Variants in ELAVL2 observed in about 807,000 individuals in gnomAD.
ELAVL2 encodes the protein ELAV-like protein 2.
Under a neutral mutation model 34.6 loss-of-function variants are expected in ELAVL2, and 4 were observed. The observed-to-expected ratio is 0.12, with a 90% confidence interval of 0.06 to 0.26. ELAVL2 has a LOEUF of 0.26. ELAVL2 is among the 10% of genes least tolerant of loss of function. ELAVL2 has a pLI of 1.00. For synonymous variants in ELAVL2, 193 were observed against 154.8 expected (o/e 1.25, Z -1.83); for missense variants, 432 against 442.8 (o/e 0.98, Z 0.22).
At chr9:23,698,349 TACA>T (rs1187329561) in intron 5 of ELAVL2, among the ~76,000 whole-genome samples, 2 of 152,220 alleles carry the variant, frequency 1.3e-5, no homozygotes, top group African/African-American at 4.8e-5. Flanking sequence ...GTGCTCATAT[TACA>T]ACAATTCTCT....
intron 3 of ELAVL2, among the ~76,000 whole-genome samples, chr9:23,715,653 C>T (rs955870756): frequency 6.6e-6 from 1 of 152,208 alleles, no homozygotes; most frequent in African/African-American, 2.4e-5. Flanking sequence ...GACCCAATGA[C>T]ATCTCGAACA....
intron 1 of ELAVL2, among the ~76,000 whole-genome samples, chr9:23,820,613 G>C (rs2064447412): frequency 1.3e-5 from 2 of 151,992 alleles, no homozygotes; most frequent in Non-Finnish European, 2.9e-5. Flanking sequence ...AGGATAACAA[G>C]GAGGCTTTTA....
At chr9:23,723,065 G>C (rs1050301068) in intron 3 of ELAVL2, among the ~76,000 whole-genome samples, 2 of 152,162 alleles carry the variant, frequency 1.3e-5, no homozygotes, top group East Asian at 1.9e-4. Flanking sequence ...TGATGTTCAG[G>C]TAGAAAAGAT....
chr9:23,812,262 C>A (rs2063113867), intron 1 of ELAVL2, among the ~76,000 whole-genome samples: 1 of 152,162 alleles, frequency 6.6e-6, no homozygotes, highest in Non-Finnish European at 1.5e-5. Context: ...AAGTATTACA[C>A]AATCTTCCTG....
chr9:23,816,204 T>C (rs1464267357), intron 1 of ELAVL2, among the ~76,000 whole-genome samples: 1 of 151,360 alleles, frequency 6.6e-6, no homozygotes, highest in East Asian at 1.9e-4. Flanking sequence ...ACTTCCAATT[T>C]TACAATGACT....
At chr9:23,759,993 T>C (rs919086797) in intron 2 of ELAVL2, among the ~76,000 whole-genome samples, 1 of 151,608 alleles carries the variant, frequency 6.6e-6, no homozygotes, top group African/African-American at 2.4e-5. Flanking sequence ...GAGAAATATT[T>C]ACACAGTTTT....
At chr9:23,702,078 A>G (rs928779019) in intron 4 of ELAVL2, among the ~76,000 whole-genome samples, 3 of 152,232 alleles carry the variant, frequency 2.0e-5, no homozygotes, top group Admixed American at 2.0e-4. Context: ...TGCTAAAAAT[A>G]CATACACTGT....
chr9:23,824,402 G>A (rs150769903), intron 1 of ELAVL2, among the ~76,000 whole-genome samples: 22 of 152,226 alleles, frequency 1.4e-4, no homozygotes, highest in Non-Finnish European at 2.8e-4. Flanking sequence ...AGCCCCCACC[G>A]CCCTTCGCAG....
intron 2 of ELAVL2, among the ~76,000 whole-genome samples, chr9:23,743,788 A>G (rs1054102248): frequency 6.6e-6 from 1 of 152,198 alleles, no homozygotes; most frequent in African/African-American, 2.4e-5. Context: ...AATTCATCTT[A>G]AAAACTTTTA....
At chr9:23,791,838 G>A (rs2060360361) in intron 1 of ELAVL2, among the ~76,000 whole-genome samples, 1 of 152,112 alleles carries the variant, frequency 6.6e-6, no homozygotes, top group Non-Finnish European at 1.5e-5. Context: ...AATTTCTATT[G>A]TTTTTGCTAC....
chr9:23,730,299 A>G (rs1353242373), intron 3 of ELAVL2, among the ~76,000 whole-genome samples: 1 of 152,172 alleles, frequency 6.6e-6, no homozygotes, highest in Non-Finnish European at 1.5e-5. Context: ...CAAAGTATGT[A>G]CAAAGTTATT....
chr9:23,802,959 A>G (rs1279335757), intron 1 of ELAVL2, among the ~76,000 whole-genome samples: 2 of 152,104 alleles, frequency 1.3e-5, no homozygotes, highest in African/African-American at 2.4e-5. Flanking sequence ...ATTTATACAC[A>G]TAACAAACAA....
At chr9:23,788,660 T>A (rs1395104171) in intron 1 of ELAVL2, among the ~76,000 whole-genome samples, 1 of 152,220 alleles carries the variant, frequency 6.6e-6, no homozygotes, top group Non-Finnish European at 1.5e-5. Context: ...CACTTTAACA[T>A]CCTCTCTTTG....
intron 1 of ELAVL2, among the ~76,000 whole-genome samples, chr9:23,814,434 A>G (rs1235455311): frequency 6.6e-6 from 1 of 152,154 alleles, no homozygotes; most frequent in African/African-American, 2.4e-5. Flanking sequence ...ACGCATCCCA[A>G]AGAGGGGAGG....
chr9:23,713,949 T>G (rs1244955601), intron 3 of ELAVL2, among the ~76,000 whole-genome samples: 1 of 152,216 alleles, frequency 6.6e-6, no homozygotes. Flanking sequence ...GTCTTCTATC[T>G]CTTTATTTGT....
intron 1 of ELAVL2, among the ~76,000 whole-genome samples, chr9:23,803,040 G>C (rs182032069): frequency 6.6e-6 from 1 of 152,080 alleles, no homozygotes; most frequent in Non-Finnish European, 1.5e-5. Context: ...AGAATTACTG[G>C]TCTAATTCAC....
At chr9:23,724,130 G>A (rs1470198507) in intron 3 of ELAVL2, among the ~76,000 whole-genome samples, 1 of 152,124 alleles carries the variant, frequency 6.6e-6, no homozygotes, top group African/African-American at 2.4e-5. Flanking sequence ...TACCCCTGTG[G>A]AGCATGCTTA....
rs57226977 is a variant in ELAVL2, at chr9:23,822,611, C to T, written c.-16+3195G>A. Among the ~76,000 whole-genome samples the T allele has an allele frequency of 4.5e-3, 681 of 152,324 alleles. 4 individuals carry two copies. The highest frequency in any genetic ancestry group is 0.016 in the African/African-American group (650 of 41,566). On this transcript the variant is annotated intron_variant, in intron 1 of 6. Coordinates refer to ENST00000397312, the MANE Select transcript of ELAVL2 (RefSeq NM_004432.5). ...CGGCCCCACGGCTGGAAGTCAAAAC[C>T]CACCCCGGAGCCACGCGGCTGGAGC... is the stretch of plus-strand genomic sequence containing the variant.
At chr9:23,711,096 T>A (rs982165663) in intron 3 of ELAVL2, among the ~76,000 whole-genome samples, 2 of 152,158 alleles carry the variant, frequency 1.3e-5, no homozygotes, top group Non-Finnish European at 2.9e-5. Context: ...CACAATGGGT[T>A]GAAAATGAAT....
Sources: allele counts gnomAD v4.1 joint callset (sites outside exome capture counted in the v4.1 genomes callset), GRCh38; gene constraint gnomAD v4.1.1; transcripts MANE v1.5; gene names NCBI Gene and HGNC (gene_info 2026-07-23, HGNC 2026-07-21).